Variants in CDC16 observed in about 807,000 individuals in gnomAD.
CDC16 encodes cell division cycle protein 16 homolog.
Under a neutral mutation model 87.0 loss-of-function variants are expected in CDC16, and 34 were observed. That is an observed-to-expected ratio of 0.39 (90% confidence interval 0.30 to 0.52). The LOEUF (loss-of-function observed/expected upper bound fraction) is 0.52, where lower values mean the gene tolerates loss of function less well. CDC16 is among the 20% of genes least tolerant of loss of function. CDC16 has a pLI of 0.74. For missense variants in CDC16, 653 were observed against 751.9 expected (o/e 0.87, Z 1.54); for synonymous variants, 263 against 260.6 (o/e 1.01, Z -0.09).
At chr13:114,250,501 A>G (rs765133141) in intron 11 of CDC16, 48 bp from the exon 12 acceptor site, 1 of 1,544,826 alleles carries the variant, frequency 6.5e-7, no homozygotes, top group South Asian at 1.2e-5. Context: ...CAAAAAAAAA[A>G]AAAAAAGAAT....
At position 114,262,787 on chromosome 13, in the gene CDC16, C is replaced by T. The variant is rs557951831; in HGVS notation, c.1377-92C>T. Reference sequence around the variant, plus strand: ...TAGACTGCTGTTCTCATTGAGACAGCGTTTCTTGGGTGTTGATATGGATGG... The same window carrying T: ...TAGACTGCTGTTCTCATTGAGACAGTGTTTCTTGGGTGTTGATATGGATGG... On this transcript the variant is annotated intron_variant, in intron 15 of 17. Coordinates refer to ENST00000356221, the MANE Select transcript of CDC16 (RefSeq NM_001078645.3). 1.1e-4 allele frequency: 141 copies of T among 1,255,884 alleles called. No homozygotes were observed. In the East Asian group the frequency reaches 2.3e-3, roughly 20 times the overall value. 77.8% of individuals were successfully genotyped at this position (1,255,884 alleles called of 1,614,324 possible).
At chr13:114,250,460 C>G in intron 11 of CDC16, 89 bp from the exon 12 acceptor site, 1 of 1,322,398 alleles carries the variant, frequency 7.6e-7, no homozygotes. Context: ...CCACTGCACT[C>G]CAGCCTGAGC....
chr13:114,250,886 G>C (rs575370978), intron 12 of CDC16, among the ~76,000 whole-genome samples: 6 of 152,152 alleles, frequency 3.9e-5, no homozygotes, highest in African/African-American at 1.4e-4. Context: ...ATTCCAACCA[G>C]TGCAAGAAGC....
intron 1 of CDC16, among the ~76,000 whole-genome samples, chr13:114,235,363 C>A (rs866087528): frequency 6.6e-6 from 1 of 152,228 alleles, no homozygotes; most frequent in African/African-American, 2.4e-5. Flanking sequence ...CACGGGGCGC[C>A]TCAGTCGGGT....
At chr13:114,252,272 G>T (rs1169752275) in intron 12 of CDC16, among the ~76,000 whole-genome samples, 4 of 151,856 alleles carry the variant, frequency 2.6e-5, no homozygotes, top group African/African-American at 9.7e-5. Context: ...CCTTACACTA[G>T]CCCTGTTGGA....
chr13:114,258,746 C>A (rs1438765621), intron 13 of CDC16, among the ~76,000 whole-genome samples: 1 of 152,148 alleles, frequency 6.6e-6, no homozygotes, highest in African/African-American at 2.4e-5. Flanking sequence ...AACTGTATTT[C>A]CCCTGGCAGC....
chr13:114,260,422 GC>G (rs2082768565), intron 14 of CDC16, among the ~76,000 whole-genome samples: 1 of 152,192 alleles, frequency 6.6e-6, no homozygotes, highest in Non-Finnish European at 1.5e-5. Flanking sequence ...ACTGCCTTAT[GC>G]CCCAGACGGG....
At chr13:114,245,262 T>TC (rs3215865) in intron 9 of CDC16, among the ~76,000 whole-genome samples, 4,620 of 139,256 alleles carry the variant, frequency 0.033, 174 homozygotes, top group African/African-American at 0.09. Flanking sequence ...CAGTTCTGCC[T>TC]CCCCCCCCCT....
In CDC16 at chr13:114,257,058, G is replaced by A; in HGVS notation, c.1098-20G>A. 1 of 1,504,532 alleles carries A rather than the reference G, an allele frequency of 6.6e-7. No individual in the cohort carries two copies. Among genetic ancestry groups the A allele is most frequent in the African/African-American group, 1.4e-5 (1 of 71,920 alleles). The allele number at this position is 1,504,532 out of a possible 1,614,324, so 93.2% of individuals were successfully genotyped here. A position where few individuals can be genotyped will look rare whatever the true frequency, so the allele number is the denominator to read the frequency against. ...TCACAGTTTTTGGTGTTGAATATGT[G>A]AAATTTTCCAATTTTTTAGGTGTCA... On this transcript the variant is annotated intron_variant, in intron 12 of 17. Transcript: ENST00000356221.
chr13:114,245,965 G>A (rs776207753), intron 9 of CDC16, 35 bp from the exon 10 acceptor site: 13 of 1,235,054 alleles, frequency 1.1e-5, no homozygotes, highest in African/African-American at 4.5e-5. Context: ...CATGTGATAC[G>A]AACAATTGTT....
intron 10 of CDC16, among the ~76,000 whole-genome samples, chr13:114,246,285 A>G (rs977518972): frequency 3.9e-5 from 6 of 152,206 alleles, no homozygotes; most frequent in African/African-American, 1.2e-4. Flanking sequence ...TTTTCTGATT[A>G]TAGAAGTTAT....
intron 12 of CDC16, among the ~76,000 whole-genome samples, chr13:114,252,970 C>T (rs1007461556): frequency 6.7e-6 from 1 of 149,456 alleles, no homozygotes; most frequent in Non-Finnish European, 1.5e-5. Context: ...CTTATCTTTA[C>T]AAAAAAAAAA....
intron 12 of CDC16, among the ~76,000 whole-genome samples, chr13:114,256,407 A>G (rs754062159): frequency 5.5e-4 from 83 of 152,232 alleles, no homozygotes; most frequent in Middle Eastern, 3.2e-3. Flanking sequence ...CAAAGCACAC[A>G]CCAAGCAATC....
chr13:114,263,675 G>A (rs909916641), intron 16 of CDC16, among the ~76,000 whole-genome samples: 1 of 152,210 alleles, frequency 6.6e-6, no homozygotes, highest in Non-Finnish European at 1.5e-5. Flanking sequence ...GTGCCCTGGT[G>A]CTAGCACACA....
chr13:114,271,591 C>T (rs1038839626), intron 17 of CDC16, among the ~76,000 whole-genome samples: 1 of 152,058 alleles, frequency 6.6e-6, no homozygotes, highest in Non-Finnish European at 1.5e-5. Context: ...TCTCCTGCCT[C>T]AGCCTCCTGA....
chr13:114,248,944 G>C (rs1439271541), intron 11 of CDC16, among the ~76,000 whole-genome samples: 2 of 151,820 alleles, frequency 1.3e-5, no homozygotes, highest in East Asian at 3.9e-4. Context: ...TTGGCACCAG[G>C]GACCATTTTG....
intron 17 of CDC16, among the ~76,000 whole-genome samples, chr13:114,269,310 G>T (rs1414151805): frequency 6.6e-6 from 1 of 152,116 alleles, no homozygotes; most frequent in African/African-American, 2.4e-5. Context: ...ATTCAGAGTT[G>T]CACAACATCA....
chr13:114,266,132 T>C (rs779985662), intron 17 of CDC16, among the ~76,000 whole-genome samples: 1 of 152,202 alleles, frequency 6.6e-6, no homozygotes, highest in Non-Finnish European at 1.5e-5. Context: ...TAAAGTAATT[T>C]CTGATGTAAT....
At chr13:114,264,445 C>T (rs539953597) in intron 16 of CDC16, among the ~76,000 whole-genome samples, 97 of 152,136 alleles carry the variant, frequency 6.4e-4, no homozygotes, top group African/African-American at 2.0e-3. Flanking sequence ...ACTAGCCCTG[C>T]GCCCGGTCCC....
Sources: gnomAD v4.1 joint callset for allele counts (sites outside exome capture counted in the v4.1 genomes callset) on GRCh38, gnomAD v4.1.1 for gene constraint, MANE v1.5 for transcripts, NCBI Gene and HGNC (gene_info 2026-07-23, HGNC 2026-07-21) for gene names.